FHIP2B: variants seen among roughly 807,000 people sequenced by gnomAD.
FHIP2B encodes FHF complex subunit HOOK interacting protein 2B, also known as FHF complex subunit HOOK-interacting protein 2B.
FHIP2B carries 72 observed loss-of-function variants against 84.0 expected under a neutral mutation model. The ratio of observed to expected loss-of-function variants is 0.86; its 90% confidence interval spans 0.71 to 1.04. The LOEUF (loss-of-function observed/expected upper bound fraction) is 1.04, where lower values mean the gene tolerates loss of function less well. Ranked by LOEUF, FHIP2B falls within the 50% of genes least tolerant of loss-of-function variation. The pLI, the probability that FHIP2B is intolerant of heterozygous loss-of-function variation, is 0.00. For missense variants in FHIP2B, 972 were observed against 968.9 expected (o/e 1.00, Z -0.04); for synonymous variants, 497 against 418.7 (o/e 1.19, Z -2.28).
chr8:22,099,398 C>T, intron 9 of FHIP2B, 38 bp downstream of exon 9: 1 of 1,599,886 alleles, frequency 6.3e-7, no homozygotes, highest in Non-Finnish European at 8.5e-7. Flanking sequence ...CTGTGGTCTA[C>T]AGTAAACCAC....
At chr8:22,096,754 A>G in intron 3 of FHIP2B, 2 of 479,308 alleles carry the variant, frequency 4.2e-6, no homozygotes, top group Non-Finnish European at 7.2e-6. Flanking sequence ...AGGAGCAAAC[A>G]GGACGGGCAC....
intron 1 of FHIP2B, chr8:22,089,746 G>A (rs1402733687): frequency 2.4e-5 from 30 of 1,259,692 alleles, no homozygotes; most frequent in African/African-American, 3.1e-5. Flanking sequence ...CCTTCCCCTC[G>A]GTCTGATCTC....
chr8:22,089,702 CA>C, intron 1 of FHIP2B: 10 of 1,165,196 alleles, frequency 8.6e-6, no homozygotes, highest in South Asian at 1.3e-5. Flanking sequence ...CGCTCCACCC[CA>C]CCGCCTCGCC....
At chr8:22,097,253 G>C (rs1825821068) in intron 3 of FHIP2B, among the ~76,000 whole-genome samples, 1 of 152,172 alleles carries the variant, frequency 6.6e-6, no homozygotes, top group Non-Finnish European at 1.5e-5. Flanking sequence ...AGTTGAGCCT[G>C]GGGCTCTCTG....
intron 4 of FHIP2B, 43 bp downstream of exon 4, chr8:22,097,663 CCT>C: frequency 6.2e-7 from 1 of 1,605,294 alleles, no homozygotes; most frequent in Non-Finnish European, 8.5e-7. Flanking sequence ...TGTGAGGCCC[CCT>C]CTCTCCCCTG....
At position 22,099,059 on chromosome 8, in the gene FHIP2B, G is replaced by T; in HGVS notation, c.1074+3G>T. The T allele has an allele frequency of 6.3e-7, 1 of 1,593,354 alleles. No homozygotes were observed. The highest frequency in any genetic ancestry group is 8.6e-7 in the Non-Finnish European group (1 of 1,169,152). ...ACCTCATCACAGAGGCACACACGGT[G>T]AGCAGGGGCGGGCGGAGGCCGGGCT... On this transcript the variant is annotated splice_donor_region_variant and intron_variant, in intron 8 of 16. Transcript: ENST00000289921.
At chr8:22,096,530 T>A in intron 3 of FHIP2B, 21 bp downstream of exon 3, 1 of 1,498,872 alleles carries the variant, frequency 6.7e-7, no homozygotes, top group South Asian at 1.3e-5. Context: ...CTCTGCGCGC[T>A]GGGCCAGGCC....
rs750194947 is a variant in FHIP2B, at chr8:22,096,528, G to A, written c.297+19G>A. ...GGCCGAGGTGGGAGGCCCTCTGCGC[G>A]CTGGGCCAGGCCGAGGTGGGAGGCC... is the stretch of plus-strand genomic sequence containing the variant. On this transcript the variant is annotated intron_variant, in intron 3 of 16. Transcript: ENST00000289921. 2.5e-5 allele frequency: 37 copies of A among 1,500,074 alleles called. No individual in the cohort carries two copies. The highest frequency in any genetic ancestry group is 6.6e-5 in the Admixed American group (3 of 45,682). 92.9% of individuals were successfully genotyped at this position (1,500,074 alleles called of 1,614,324 possible).
intron 8 of FHIP2B, 100 bp downstream of exon 8, chr8:22,099,156 G>C: frequency 6.7e-7 from 1 of 1,493,694 alleles, no homozygotes; most frequent in South Asian, 1.2e-5. Flanking sequence ...ATGGGGTCCA[G>C]GAGCTAAGCG....
chr8:22,102,405 G>A (rs1826174909), intron 15 of FHIP2B, 90 bp downstream of exon 15: 7 of 1,438,774 alleles, frequency 4.9e-6, no homozygotes, highest in Non-Finnish European at 5.7e-6. Context: ...GGGGCTGGAG[G>A]GGTGGGCACC....
Position 22,101,770 on chromosome 8 carries a change from C to T in FHIP2B, c.1770C>T (p.Asp590=). ...GGCCTCTGACCCCCACACCTTTGGA[C>T]CCCCATGAGCCCGAGCGACCTTTCT... The part of the protein sequence containing the change: ...WGWPLTPTPL[D]PHEPERPFFE... Residue 590 remains aspartate (D), a synonymous_variant, in exon 14 of 17, where the codon GAC becomes GAT. Coordinates refer to ENST00000289921, the MANE Select transcript of FHIP2B (RefSeq NM_022749.7). The T allele has an allele frequency of 1.9e-6, 3 of 1,613,484 alleles. No homozygotes were observed. Among genetic ancestry groups the T allele is most frequent in the South Asian group, 1.1e-5 (1 of 91,010 alleles).
Position 22,102,328 on chromosome 8 carries a change from C to T in FHIP2B, c.1992+13C>T, listed in dbSNP as rs375159810. The T allele has an allele frequency of 1.0e-5, 16 of 1,601,174 alleles. No homozygotes were observed. In the African/African-American group the frequency reaches 1.2e-4, roughly 12 times the overall value. On this transcript the variant is annotated intron_variant, in intron 15 of 16. Transcript: ENST00000289921. ...CGTGTTGGTGAGGGTGAGGACGCCT[C>T]GGCCCAAGGGAGTGTGCCTAGTGAG...
chr8:22,101,935 T>C, intron 14 of FHIP2B, 84 bp downstream of exon 14: 1 of 1,539,484 alleles, frequency 6.5e-7, no homozygotes. Context: ...CAGGGTTGCC[T>C]CTGCTTCGGT....
chr8:22,094,809 G>A lies in FHIP2B; in HGVS notation c.124+291G>A, dbSNP rs146445641. The A allele has an allele frequency of 3.7e-4, 460 of 1,232,186 alleles. 5 individuals are homozygous for A. In the East Asian group the frequency reaches 0.016, roughly 43 times the overall value. 76.3% of individuals were successfully genotyped at this position (1,232,186 alleles called of 1,614,324 possible). On this transcript the variant is annotated intron_variant, in intron 2 of 16. Transcript: ENST00000289921. ...TGGCCTGACTCTGCAAGGAAGAGGT[G>A]GCTGCACTTCCCCCAGCTTCCAGCT... is the stretch of plus-strand genomic sequence containing the variant.
At chr8:22,090,565 C>G (rs1178989186) in intron 1 of FHIP2B, among the ~76,000 whole-genome samples, 1 of 152,170 alleles carries the variant, frequency 6.6e-6, no homozygotes, top group African/African-American at 2.4e-5. Flanking sequence ...GGGAACACTC[C>G]ATTTACAGGA....
chr8:22,099,876 G>T lies in FHIP2B; in HGVS notation c.1324G>T (p.Asp442Tyr), dbSNP rs756701033. 3 of 1,611,058 alleles carry T rather than the reference G, an allele frequency of 1.9e-6. No individual in the cohort carries two copies. The highest frequency in any genetic ancestry group is 2.5e-6 in the Non-Finnish European group (3 of 1,178,892). Residue 442 changes from aspartate (D) to tyrosine (Y), a missense_variant, in exon 10 of 17, where the codon GAC (aspartate) becomes TAC (tyrosine). Transcript: ENST00000289921. ...GTATGCTCATCTCATCGGGCATTGT[G>T]ACCACCTCTCTGATGAGGTACAGTG... is the stretch of plus-strand genomic sequence containing the variant. ...TLYAHLIGHC[D>Y]HLSDEISITT...
chr8:22,097,856 G>A lies in FHIP2B; in HGVS notation c.525+17G>A. 2 of 1,610,032 alleles carry A rather than the reference G, an allele frequency of 1.2e-6. No individual in the cohort carries two copies. The highest frequency in any genetic ancestry group is 2.7e-5 in the African/African-American group (2 of 74,984). On this transcript the variant is annotated intron_variant, in intron 5 of 16. Transcript: ENST00000289921. The stretch of plus-strand genomic sequence containing the variant: ...ATCCTGGAAGTGAGCACTCTGATCG[G>A]GAACAGGAGGGGGAGGGCCCAGAAC...
chr8:22,090,701 T>G (rs1017599943), intron 1 of FHIP2B, among the ~76,000 whole-genome samples: 5 of 152,330 alleles, frequency 3.3e-5, no homozygotes, highest in African/African-American at 9.6e-5. Flanking sequence ...CTCCGCTCAT[T>G]GCAGCCTCCA....
At position 22,100,842 on chromosome 8, in the gene FHIP2B, A is replaced by G; in HGVS notation, c.1488-2A>G. ...TGCCGTACTGCTCTGCCCTGGCCAC[A>G]GAGACCTGGAGGAAGACCCCTACTT... On this transcript the variant is annotated splice_acceptor_variant, in intron 11 of 16. Coordinates refer to ENST00000289921, the MANE Select transcript of FHIP2B (RefSeq NM_022749.7). LOFTEE classifies it high-confidence loss of function. The G allele has an allele frequency of 1.2e-6, 2 of 1,613,872 alleles. No individual in the cohort carries two copies. Among genetic ancestry groups the G allele is most frequent in the Non-Finnish European group, 1.7e-6 (2 of 1,179,880 alleles).
Sources: allele counts gnomAD v4.1 joint callset (sites outside exome capture counted in the v4.1 genomes callset), GRCh38; gene constraint gnomAD v4.1.1; transcripts MANE v1.5; gene names NCBI Gene and HGNC (gene_info 2026-07-23, HGNC 2026-07-21).